Variants in EML4 observed in about 807,000 individuals in gnomAD.
EML4 encodes echinoderm microtubule-associated protein-like 4.
A neutral mutation model predicts 129.0 loss-of-function variants in EML4; 72 were observed. The ratio of observed to expected loss-of-function variants is 0.56; its 90% CI spans 0.46 to 0.68. The LOEUF is 0.68. EML4 is among the 30% of genes least tolerant of loss of function. The probability of loss-of-function intolerance (pLI) is 0.00; values close to 1 mark genes in which losing one functional copy is unlikely to be tolerated. For synonymous variants in EML4, 532 were observed against 405.0 expected (o/e 1.31, Z -3.77); for missense variants, 1,363 against 1,190.6 (o/e 1.14, Z -2.13).
intron 6 of EML4, among the ~76,000 whole-genome samples, chr2:42,271,413 T>A (rs548983811): frequency 4.3e-5 from 4 of 92,130 alleles, no homozygotes; most frequent in Non-Finnish European, 1.2e-4. Flanking sequence ...CTGTTGGAGA[T>A]TTTTTTTTAA....
intron 1 of EML4, among the ~76,000 whole-genome samples, chr2:42,170,744 G>A (rs901787916): frequency 3.9e-5 from 6 of 152,188 alleles, no homozygotes; most frequent in African/African-American, 1.4e-4. Flanking sequence ...AGTTTTTTAT[G>A]TGCAGGTAGC....
intron 6 of EML4, among the ~76,000 whole-genome samples, chr2:42,269,596 G>A (rs889141945): frequency 6.6e-6 from 1 of 152,158 alleles, no homozygotes; most frequent in South Asian, 2.1e-4. Flanking sequence ...TTTATATAGA[G>A]TAGTTAGGGA....
intron 2 of EML4, among the ~76,000 whole-genome samples, chr2:42,252,360 C>T (rs765564317): frequency 3.3e-5 from 5 of 152,110 alleles, no homozygotes; most frequent in African/African-American, 7.2e-5. Flanking sequence ...TGGTTTCCAC[C>T]GTGATTCTTA....
chr2:42,282,011 A>G (rs1478881835), intron 7 of EML4, among the ~76,000 whole-genome samples: 2 of 152,080 alleles, frequency 1.3e-5, no homozygotes, highest in Non-Finnish European at 2.9e-5. Flanking sequence ...CCTTGCTATT[A>G]CTTATTTATC....
At chr2:42,253,820 C>G (rs561971066) in intron 2 of EML4, among the ~76,000 whole-genome samples, 164 of 152,232 alleles carry the variant, frequency 1.1e-3, no homozygotes, top group Non-Finnish European at 2.0e-3. Context: ...AGGGCTAAAA[C>G]TTATGTAAGA....
intron 1 of EML4, among the ~76,000 whole-genome samples, chr2:42,203,581 T>G (rs1424923493): frequency 6.6e-6 from 1 of 151,902 alleles, no homozygotes; most frequent in Non-Finnish European, 1.5e-5. Context: ...TAGTCTGGAA[T>G]CACAGATTAA....
intron 2 of EML4, among the ~76,000 whole-genome samples, chr2:42,248,105 T>A (rs1469452739): frequency 6.6e-6 from 1 of 152,138 alleles, no homozygotes; most frequent in African/African-American, 2.4e-5. Flanking sequence ...CTGGAGTAGC[T>A]AGGACTACAG....
chr2:42,247,621 C>A (rs1373916962), intron 2 of EML4, among the ~76,000 whole-genome samples: 1 of 152,096 alleles, frequency 6.6e-6, no homozygotes. Context: ...TTGATAAAAA[C>A]CACTTTGACT....
At chr2:42,199,007 A>T (rs1183333998) in intron 1 of EML4, among the ~76,000 whole-genome samples, 2 of 152,204 alleles carry the variant, frequency 1.3e-5, no homozygotes, top group African/African-American at 2.4e-5. Flanking sequence ...GGTTGAAGTT[A>T]TGTATCTTGG....
intron 7 of EML4, 129 bp from the exon 8 acceptor site, chr2:42,282,694 G>A (rs1187431409): frequency 1.2e-6 from 1 of 826,140 alleles, no homozygotes; most frequent in East Asian, 2.5e-5. Flanking sequence ...GCCCGTCCAG[G>A]ACATGAGTTT....
chr2:42,287,160 G>A (rs1255693096), intron 10 of EML4, among the ~76,000 whole-genome samples: 1 of 152,080 alleles, frequency 6.6e-6, no homozygotes, highest in Admixed American at 6.6e-5. Context: ...CTGGATTATG[G>A]GAGTTTTGTG....
chr2:42,241,940 G>C (rs1173337239), intron 1 of EML4, among the ~76,000 whole-genome samples: 1 of 152,044 alleles, frequency 6.6e-6, no homozygotes, highest in African/African-American at 2.4e-5. Flanking sequence ...TGTTAACTTT[G>C]TATATGTTAT....
chr2:42,238,228 G>A (rs934447517), intron 1 of EML4, among the ~76,000 whole-genome samples: 1 of 152,086 alleles, frequency 6.6e-6, no homozygotes, highest in Middle Eastern at 3.2e-3. Context: ...AACACTTCTG[G>A]TACCAAGCAA....
chr2:42,185,183 A>AC lies in EML4; in HGVS notation c.25+15549dup, dbSNP rs1265451548. Among the ~76,000 whole-genome samples, 5 of 152,258 alleles carry AC rather than the reference A, an allele frequency of 3.3e-5. No homozygotes were observed. The East Asian group carries it at 9.6e-4, about 29-fold the overall frequency. On this transcript the variant is annotated intron_variant, in intron 1 of 22. Coordinates refer to ENST00000318522, the MANE Select transcript of EML4 (RefSeq NM_019063.5). ...GCTCGGGATTAGAGGTTGACAGACT[A>AC]CCACCTTCTGGCCAGCCTGGTCTCT...
chr2:42,263,074 G>C, intron 4 of EML4, 104 bp from the exon 5 acceptor site: 1 of 956,726 alleles, frequency 1.0e-6, no homozygotes, highest in Non-Finnish European at 1.6e-6. Context: ...TTCTGGATTA[G>C]CTTTAAGGAA....
At chr2:42,181,859 A>G (rs1670964325) in intron 1 of EML4, among the ~76,000 whole-genome samples, 1 of 152,290 alleles carries the variant, frequency 6.6e-6, no homozygotes, top group East Asian at 1.9e-4. Context: ...TTTAGAAACC[A>G]AGCTCTATGT....
intron 1 of EML4, among the ~76,000 whole-genome samples, chr2:42,200,574 T>G (rs919030252): frequency 6.6e-6 from 1 of 152,228 alleles, no homozygotes; most frequent in Non-Finnish European, 1.5e-5. Context: ...TCTTTTTGGC[T>G]TGAACTCCCT....
At chr2:42,203,201 A>G (rs372130556) in intron 1 of EML4, among the ~76,000 whole-genome samples, 4 of 152,230 alleles carry the variant, frequency 2.6e-5, no homozygotes, top group South Asian at 2.1e-4. Flanking sequence ...ATTGTGTCCC[A>G]TAAGTACATA....
At chr2:42,172,551 A>G (rs917335724) in intron 1 of EML4, among the ~76,000 whole-genome samples, 2 of 152,336 alleles carry the variant, frequency 1.3e-5, no homozygotes, top group Middle Eastern at 3.4e-3. Flanking sequence ...AATTTCAGGC[A>G]ACTTGGCTGG....
Sources: allele counts gnomAD v4.1 joint callset (sites outside exome capture counted in the v4.1 genomes callset), GRCh38; gene constraint gnomAD v4.1.1; transcripts MANE v1.5; gene names NCBI Gene and HGNC (gene_info 2026-07-23, HGNC 2026-07-21).